RREB1: variants seen among roughly 807,000 people sequenced by gnomAD.
The protein encoded by RREB1 is ras-responsive element-binding protein 1.
A neutral mutation model predicts 117.8 loss-of-function variants in RREB1; 27 were observed. The ratio of observed to expected loss-of-function variants is 0.23; its 90% CI spans 0.17 to 0.32. The LOEUF (loss-of-function observed/expected upper bound fraction) is 0.32, where lower values mean the gene tolerates loss of function less well. Among genes scored for constraint, RREB1 ranks in the 10% least tolerant of loss-of-function variants. RREB1 has a pLI of 1.00. For synonymous variants in RREB1, 1,298 were observed against 1,026.7 expected, an observed-to-expected ratio of 1.26 and a Z score of -5.05; for missense variants, 2,577 against 2,378.2, an observed-to-expected ratio of 1.08 and a Z score of -1.74.
intron 1 of RREB1, among the ~76,000 whole-genome samples, chr6:7,170,787 G>A (rs2113494716): frequency 6.6e-6 from 1 of 152,310 alleles, no homozygotes; most frequent in Non-Finnish European, 1.5e-5. Flanking sequence ...TTGCTCTGGA[G>A]GTGTATGATA....
chr6:7,224,837 A>G (rs974191488), intron 8 of RREB1, among the ~76,000 whole-genome samples: 1 of 152,000 alleles, frequency 6.6e-6, no homozygotes, highest in Non-Finnish European at 1.5e-5. Flanking sequence ...AATTCCCTCA[A>G]AAGGAACTCT....
At chr6:7,150,047 C>T (rs1054676678) in intron 1 of RREB1, among the ~76,000 whole-genome samples, 1 of 145,910 alleles carries the variant, frequency 6.9e-6, no homozygotes, top group African/African-American at 2.5e-5. Context: ...TTTTATTCTT[C>T]TCAGTAGTTC....
At chr6:7,226,036 A>G (rs1246841149) in intron 8 of RREB1, among the ~76,000 whole-genome samples, 1 of 152,212 alleles carries the variant, frequency 6.6e-6, no homozygotes, top group Non-Finnish European at 1.5e-5. Flanking sequence ...CCTAGATACT[A>G]CTTAAATGTA....
intron 1 of RREB1, among the ~76,000 whole-genome samples, chr6:7,148,449 T>A (rs1368159023): frequency 6.6e-6 from 1 of 151,290 alleles, no homozygotes; most frequent in African/African-American, 2.4e-5. Context: ...TTCTTAAAAC[T>A]GCCTGTGTAT....
At chr6:7,222,012 C>T (rs1767289255) in intron 8 of RREB1, among the ~76,000 whole-genome samples, 2 of 152,118 alleles carry the variant, frequency 1.3e-5, no homozygotes, top group Non-Finnish European at 2.9e-5. Flanking sequence ...CTGCAGAGAT[C>T]CCCCCGTTTT....
intron 8 of RREB1, 154 bp downstream of exon 8, chr6:7,211,863 A>G (rs1766630478): frequency 7.6e-6 from 6 of 787,064 alleles, no homozygotes; most frequent in South Asian, 7.2e-5. Context: ...GTGTGGGGAA[A>G]AAGTTGGCTG....
intron 10 of RREB1, among the ~76,000 whole-genome samples, chr6:7,235,987 G>C (rs2113144084): frequency 6.6e-6 from 1 of 152,216 alleles, no homozygotes; most frequent in South Asian, 2.1e-4. Context: ...ACACACACCT[G>C]CCTTTCCTCC....
At chr6:7,127,040 A>C (rs1376213459) in intron 1 of RREB1, among the ~76,000 whole-genome samples, 1 of 152,210 alleles carries the variant, frequency 6.6e-6, no homozygotes, top group Non-Finnish European at 1.5e-5. Flanking sequence ...CAGTTTAAGT[A>C]CAGGCCCTGG....
rs534273720 is a variant in RREB1 at position 7,246,292 on chromosome 6, G to A, written c.3974-132G>A. 4.1e-6 allele frequency: 3 copies of A among 724,038 alleles called. No individual in the cohort carries two copies. The South Asian group carries it at 7.6e-5, about 18-fold the overall frequency. 44.9% of individuals were successfully genotyped at this position (724,038 alleles called of 1,614,324 possible). ...GGATGTAACAGGTGGTGAGGATTTG[G>A]GCCGAAAGAAGTCCTCACTGGTTTG... On this transcript the variant is annotated intron_variant, in intron 11 of 12. Coordinates refer to ENST00000379938, the MANE Select transcript of RREB1 (RefSeq NM_001003699.4).
At chr6:7,161,300 G>C (rs1383099460) in intron 1 of RREB1, among the ~76,000 whole-genome samples, 2 of 152,100 alleles carry the variant, frequency 1.3e-5, no homozygotes, top group African/African-American at 4.8e-5. Context: ...GTCAACACTA[G>C]GCAAAGTAAG....
chr6:7,110,685 A>AT (rs1424585764), intron 1 of RREB1, among the ~76,000 whole-genome samples: 1 of 152,194 alleles, frequency 6.6e-6, no homozygotes, highest in Non-Finnish European at 1.5e-5. Flanking sequence ...GAACTCTTTG[A>AT]TTTAGTTATT....
At chr6:7,170,890 G>A (rs550762563) in intron 1 of RREB1, among the ~76,000 whole-genome samples, 70 of 152,324 alleles carry the variant, frequency 4.6e-4, no homozygotes, top group Non-Finnish European at 8.2e-4. Context: ...CTGGATGGAA[G>A]CCTCCAGAGA....
chr6:7,117,127 G>A (rs888868030), intron 1 of RREB1, among the ~76,000 whole-genome samples: 1 of 152,148 alleles, frequency 6.6e-6, no homozygotes, highest in Non-Finnish European at 1.5e-5. Flanking sequence ...GTTTGTATGT[G>A]TCTGTGTATG....
At chr6:7,122,980 C>T (rs976215628) in intron 1 of RREB1, among the ~76,000 whole-genome samples, 1 of 152,226 alleles carries the variant, frequency 6.6e-6, no homozygotes, top group Non-Finnish European at 1.5e-5. Context: ...ACCACACATA[C>T]TCTCTGTTGG....
At position 7,229,593 on chromosome 6, in the gene RREB1, G is replaced by A. The variant is rs1275051434; in HGVS notation, c.1494G>A (p.Gln498=). 8 of 1,612,128 alleles carry A rather than the reference G, an allele frequency of 5.0e-6. No individual in the cohort carries two copies. In the Admixed American group the frequency reaches 5.0e-5, roughly 10 times the overall value. Residue 498 remains glutamine (Q), a synonymous_variant, in exon 10 of 13, where the codon CAG becomes CAA. Transcript: ENST00000379938. The surrounding 1 kb of genome is among the most constrained non-coding windows in gnomAD (Gnocchi z 4.5). ...CCAAGGCCCCTGCCGCCCCACTGCA[G>A]GCGATCTTCAAGCACATGCCCCCTC... The part of the protein sequence containing the change: ...PFSKAPAAPL[Q]AIFKHMPPLK...
At chr6:7,180,359 C>G (rs1286612158) in intron 2 of RREB1, among the ~76,000 whole-genome samples, 1 of 152,186 alleles carries the variant, frequency 6.6e-6, no homozygotes, top group East Asian at 1.9e-4. Flanking sequence ...CATGAGAAAT[C>G]ATATTCTTCC....
chr6:7,135,256 T>C (rs1334821675), intron 1 of RREB1, among the ~76,000 whole-genome samples: 1 of 152,214 alleles, frequency 6.6e-6, no homozygotes, highest in Non-Finnish European at 1.5e-5. Context: ...ATGATACCCA[T>C]GGGCAGCATT....
Position 7,248,413 on chromosome 6 carries a change from G to A in RREB1, c.4772-98G>A, listed in dbSNP as rs570036731. On this transcript the variant is annotated intron_variant, in intron 12 of 12. Transcript: ENST00000379938. ...GAGTAGGACGGAGTCCTGGCCCCCC[G>A]CACATAGCCTGGGAGCCTCATTCTT... 32 of 1,049,030 alleles carry A rather than the reference G, an allele frequency of 3.1e-5. No homozygotes were observed. The East Asian group carries it at 5.6e-4, about 18-fold the overall frequency. 65.0% of individuals were successfully genotyped at this position (1,049,030 alleles called of 1,614,324 possible). A position where few individuals can be genotyped will look rare whatever the true frequency, so the allele number is the denominator to read the frequency against.
intron 2 of RREB1, among the ~76,000 whole-genome samples, chr6:7,179,427 C>A (rs1365940349): frequency 6.6e-6 from 1 of 152,078 alleles, no homozygotes; most frequent in Non-Finnish European, 1.5e-5. Flanking sequence ...AGTAATAGGA[C>A]AAAAGCAAGA....
Sources: allele counts gnomAD v4.1 joint callset (sites outside exome capture counted in the v4.1 genomes callset), GRCh38; gene constraint gnomAD v4.1.1; non-coding constraint Gnocchi (gnomAD v3.1); transcripts MANE v1.5; gene names NCBI Gene and HGNC (gene_info 2026-07-23, HGNC 2026-07-21).